The following GLIS3 variants were observed in gnomAD, a reference collection of about 807,000 sequenced individuals.
GLIS3 encodes the protein zinc finger protein GLIS3.
A neutral mutation model predicts 78.6 loss-of-function variants in GLIS3; 53 were observed. The observed-to-expected ratio is 0.67, with a 90% CI of 0.54 to 0.85. The LOEUF (loss-of-function observed/expected upper bound fraction) is 0.85. Ranked by LOEUF, GLIS3 falls within the 40% of genes least tolerant of loss-of-function variation. The probability of loss-of-function intolerance (pLI) is 0.00; values close to 1 mark genes in which losing one functional copy is unlikely to be tolerated. For missense variants in GLIS3, 1,703 were observed against 1,231.1 expected (o/e 1.38, Z -5.74); for synonymous variants, 684 against 509.9 (o/e 1.34, Z -4.60).
At position 3,898,831 on chromosome 9, in the gene GLIS3, C is replaced by G. The variant is rs144720690; in HGVS notation, c.1988G>C (p.Arg663Pro). The change falls in exon 7 of 11, where the codon CGG (arginine) becomes CCG (proline). Residue 663 changes from arginine (R) to proline (P), a missense_variant. By Grantham distance (103) the Arg-to-Pro change is moderately radical (BLOSUM62 -2). Coordinates refer to ENST00000381971, the MANE Select transcript of GLIS3 (RefSeq NM_001042413.2). ...SKEQQARKKL[R>P]SSTELHPDLL... ...GTCTGGATGGAGCTCTGTGCTGGAC[C>G]GCAACTAAGAGGACAAAACGGAAGA... The G allele has an allele frequency of 1.2e-6, 2 of 1,614,002 alleles. No individual in the cohort carries two copies. Among genetic ancestry groups the G allele is most frequent in the Middle Eastern group, 1.7e-4 (1 of 6,002 alleles).
At chr9:3,920,300 GCC>G (rs944724267) in intron 6 of GLIS3, among the ~76,000 whole-genome samples, 9 of 152,162 alleles carry the variant, frequency 5.9e-5, no homozygotes, top group Non-Finnish European at 1.0e-4. Flanking sequence ...ACTGTGCCCG[GCC>G]ATTACTGACT....
intron 1 of GLIS3, chr9:4,298,446 A>G (rs566498439): frequency 4.4e-6 from 2 of 451,520 alleles, no homozygotes; most frequent in East Asian, 1.5e-4. Flanking sequence ...CACTTGAGTG[A>G]CTTCCCGGTC....
At chr9:4,182,626 A>C (rs1350497632) in intron 2 of GLIS3, among the ~76,000 whole-genome samples, 1 of 151,876 alleles carries the variant, frequency 6.6e-6, no homozygotes, top group Non-Finnish European at 1.5e-5. Context: ...AATCGCACTC[A>C]CTCTTCATCT....
intron 2 of GLIS3, among the ~76,000 whole-genome samples, chr9:4,268,996 C>T (rs1371943513): frequency 6.6e-6 from 1 of 152,186 alleles, no homozygotes; most frequent in Non-Finnish European, 1.5e-5. Flanking sequence ...ATTAAATTCT[C>T]TATGTTAAAA....
the GLIS3 span, among the ~76,000 whole-genome samples, chr9:4,385,753 G>GAA: frequency 2.0e-3 from 21 of 10,400 alleles, no homozygotes; most frequent in Admixed American, 5.4e-3. Flanking sequence ...AAGAAAGAAA[G>GAA]AAAGAAAGAA....
At chr9:4,025,547 C>A (rs1045042832) in intron 4 of GLIS3, among the ~76,000 whole-genome samples, 3 of 152,042 alleles carry the variant, frequency 2.0e-5, no homozygotes, top group Non-Finnish European at 4.4e-5. Context: ...ACCACCATGC[C>A]TGGCTAATTT....
chr9:3,848,010 T>C (rs1285298539), intron 9 of GLIS3, among the ~76,000 whole-genome samples: 1 of 152,252 alleles, frequency 6.6e-6, no homozygotes, highest in Admixed American at 6.5e-5. Context: ...GTCACAACTT[T>C]CTCCATGAAA....
At chr9:4,107,196 A>C (rs935712920) in intron 4 of GLIS3, among the ~76,000 whole-genome samples, 1 of 152,150 alleles carries the variant, frequency 6.6e-6, no homozygotes, top group Non-Finnish European at 1.5e-5. Context: ...GATATAGAAA[A>C]CTGAGGTAAG....
chr9:3,852,363 T>A (rs996938948), intron 9 of GLIS3, among the ~76,000 whole-genome samples: 2 of 151,986 alleles, frequency 1.3e-5, no homozygotes, highest in African/African-American at 4.8e-5. Flanking sequence ...ACCACGAAGT[T>A]TTTGAAAGAG....
At chr9:3,991,233 A>G (rs1820205988) in intron 4 of GLIS3, among the ~76,000 whole-genome samples, 1 of 152,168 alleles carries the variant, frequency 6.6e-6, no homozygotes, top group South Asian at 2.1e-4. Flanking sequence ...CTTGGAGATA[A>G]GTGTACAAAT....
At chr9:4,147,815 CAAAAAAAA>C (rs34155642) in intron 2 of GLIS3, among the ~76,000 whole-genome samples, 1 of 140,448 alleles carries the variant, frequency 7.1e-6, no homozygotes, top group Non-Finnish European at 1.6e-5. Flanking sequence ...GAGTTCATAC[CAAAAAAAA>C]AAAAAAAATT....
intron 2 of GLIS3, among the ~76,000 whole-genome samples, chr9:4,211,938 T>G (rs1346997071): frequency 2.6e-5 from 4 of 152,258 alleles, no homozygotes; most frequent in East Asian, 3.8e-4. Flanking sequence ...TAAACTGTGT[T>G]ATTCCAATTG....
At chr9:3,896,593 G>C (rs1277547602) in intron 7 of GLIS3, among the ~76,000 whole-genome samples, 1 of 147,612 alleles carries the variant, frequency 6.8e-6, no homozygotes, top group Admixed American at 6.9e-5. Flanking sequence ...TTGAACCTGG[G>C]AGGTAGAGGT....
chr9:4,205,565 G>C (rs376698558), intron 2 of GLIS3, among the ~76,000 whole-genome samples: 28 of 152,360 alleles, frequency 1.8e-4, no homozygotes, highest in African/African-American at 6.3e-4. Context: ...AAGTCTAGAG[G>C]TGGGGGCTTG....
chr9:4,462,165 A>AG, the GLIS3 span, among the ~76,000 whole-genome samples: 1 of 152,194 alleles, frequency 6.6e-6, no homozygotes, highest in African/African-American at 2.4e-5. Context: ...CCAGGGCTGC[A>AG]GGAGTCTTGT....
chr9:4,464,260 G>A, the GLIS3 span, among the ~76,000 whole-genome samples: 1 of 151,924 alleles, frequency 6.6e-6, no homozygotes. Context: ...TGGTCTCTTT[G>A]TAGCATTTAA....
chr9:4,253,469 G>A (rs781614434), intron 2 of GLIS3, among the ~76,000 whole-genome samples: 22 of 152,302 alleles, frequency 1.4e-4, no homozygotes, highest in African/African-American at 4.1e-4. Context: ...GACCAAGCTC[G>A]AGCATCCCAG....
At chr9:4,222,975 G>C (rs1442332060) in intron 2 of GLIS3, among the ~76,000 whole-genome samples, 1 of 152,112 alleles carries the variant, frequency 6.6e-6, no homozygotes, top group African/African-American at 2.4e-5. Flanking sequence ...TTTAACTGTT[G>C]TTCCTTAGGG....
chr9:3,915,270 C>G (rs1824431102), intron 6 of GLIS3, among the ~76,000 whole-genome samples: 1 of 152,152 alleles, frequency 6.6e-6, no homozygotes, highest in Non-Finnish European at 1.5e-5. Context: ...CTCCAATTAT[C>G]CCAATCCCCT....
Sources: gnomAD v4.1 joint callset for allele counts (sites outside exome capture counted in the v4.1 genomes callset) on GRCh38, gnomAD v4.1.1 for gene constraint, MANE v1.5 for transcripts, NCBI Gene and HGNC (gene_info 2026-07-23, HGNC 2026-07-21) for gene names.